Variants in ITPR3 observed in about 807,000 individuals in gnomAD.
The protein encoded by ITPR3 is inositol 1,4,5-trisphosphate receptor type 3, also known as inositol 1,4,5-trisphosphate-gated calcium channel ITPR3.
A neutral mutation model predicts 293.2 loss-of-function variants in ITPR3; 173 were observed. That is an observed-to-expected ratio of 0.59 (90% CI 0.52 to 0.67). The LOEUF (loss-of-function observed/expected upper bound fraction) is 0.67. Among genes scored for constraint, ITPR3 ranks in the 30% least tolerant of loss-of-function variants. The probability of loss-of-function intolerance (pLI) is 0.00; values close to 1 mark genes in which losing one functional copy is unlikely to be tolerated. For synonymous variants in ITPR3, 1,295 were observed against 1,444.4 expected, an observed-to-expected ratio of 0.90 and a Z score of 2.35; for missense variants, 2,796 against 3,592.1, an observed-to-expected ratio of 0.78 and a Z score of 5.66.
rs2127330406 is a variant in ITPR3, at chr6:33,696,451, T to TG, written c.*672dup. On this transcript the variant is annotated 3_prime_UTR_variant, in exon 58 of 58. Transcript: ENST00000605930. ...CAGGCAACAAGGGCTGAGCTGCGCT[T>TG]GCGTGGCTGTTTCATGACCGCTTGT... 1 of 152,876 alleles carries TG rather than the reference T, an allele frequency of 6.5e-6. No homozygotes were observed. Among genetic ancestry groups the TG allele is most frequent in the African/African-American group, 2.4e-5 (1 of 41,598 alleles). The allele number at this position is 152,876 out of a possible 1,614,324, so 9.5% of individuals were successfully genotyped here.
At chr6:33,629,579 C>G (rs536816937) in intron 1 of ITPR3, among the ~76,000 whole-genome samples, 1 of 151,704 alleles carries the variant, frequency 6.6e-6, no homozygotes, top group Non-Finnish European at 1.5e-5. Context: ...CTCCCGGGTT[C>G]GAGTGATTCT....
At position 33,670,770 on chromosome 6, in the gene ITPR3, G is replaced by T. The variant is rs1419329021; in HGVS notation, c.2541G>T (p.Glu847Asp). The T allele has an allele frequency of 1.9e-6, 3 of 1,614,020 alleles. No individual in the cohort carries two copies. Among genetic ancestry groups the T allele is most frequent in the Non-Finnish European group, 2.5e-6 (3 of 1,180,046 alleles). ...VEDYLNNVVS[E>D]AVPFANEEKN... ...ACTACCTCAACAATGTAGTCAGCGAGGCCGTGCCCTTTGCCAACGAGGAGA... is the reference window on the plus strand; with the variant it reads ...ACTACCTCAACAATGTAGTCAGCGATGCCGTGCCCTTTGCCAACGAGGAGA... Residue 847 changes from glutamate to aspartate, a missense_variant, in exon 20 of 58, where the codon GAG (glutamate) becomes GAT (aspartate). Transcript: ENST00000605930. The surrounding 1 kb of genome is among the most constrained non-coding windows in gnomAD (Gnocchi z 6.7).
At position 33,691,358 on chromosome 6, in the gene ITPR3, A is replaced by G. The variant is rs751753196; in HGVS notation, c.7225+249A>G. ...TTGCTTGAGGGCTGGAGTCCCTTGA[A>G]CTGTCATTCATGTTAAACCCAGTAT... On this transcript the variant is annotated intron_variant, in intron 52 of 57. Coordinates refer to ENST00000605930, the MANE Select transcript of ITPR3 (RefSeq NM_002224.4). The surrounding 1 kb of genome is among the most constrained non-coding windows in gnomAD (Gnocchi z 4.9). 2.6e-5 allele frequency among the ~76,000 whole-genome samples: 4 copies of G among 152,048 alleles called. No homozygotes were observed. The highest frequency in any genetic ancestry group is 5.9e-5 in the Non-Finnish European group (4 of 67,992).
chr6:33,647,503 A>T (rs1303893334), intron 2 of ITPR3, among the ~76,000 whole-genome samples: 3 of 152,154 alleles, frequency 2.0e-5, no homozygotes, highest in African/African-American at 7.2e-5. Context: ...TACCCATTAA[A>T]CAATAACTCC....
At position 33,675,546 on chromosome 6, in the gene ITPR3, G is replaced by A. The variant is rs975598085; in HGVS notation, c.3117-145G>A. 15 of 811,618 alleles carry A rather than the reference G, an allele frequency of 1.8e-5. No individual in the cohort carries two copies. The African/African-American group carries it at 2.7e-4, about 14-fold the overall frequency. 50.3% of individuals were successfully genotyped at this position (811,618 alleles called of 1,614,324 possible). ...GTGGCTGTTAAACTGCTGAGAAAGT[G>A]TCAATATTTTAAACACATTTAGACT... On this transcript the variant is annotated intron_variant, in intron 24 of 57. Transcript: ENST00000605930. The surrounding 1 kb of genome is among the most constrained non-coding windows in gnomAD (Gnocchi z 5.0).
chr6:33,648,070 T>TC (rs1764108992), intron 2 of ITPR3, among the ~76,000 whole-genome samples: 2 of 137,780 alleles, frequency 1.5e-5, no homozygotes, highest in South Asian at 5.2e-4. Flanking sequence ...CTTTTTCTTT[T>TC]TTTTTTTTTT....
chr6:33,630,596 G>A (rs191071482), intron 1 of ITPR3, among the ~76,000 whole-genome samples: 3 of 152,274 alleles, frequency 2.0e-5, no homozygotes, highest in Admixed American at 6.5e-5. Flanking sequence ...CAGCACCGCT[G>A]TAGAGACCCC....
Position 33,658,628 on chromosome 6 carries a change from C to T in ITPR3, c.370-42C>T, listed in dbSNP as rs765148910. ...ATATCCCCTCCCTAATGGGCCGACT[C>T]CTGTGGCGCGGTGACCTTCCCGCAC... On this transcript the variant is annotated intron_variant, in intron 4 of 57. Coordinates refer to ENST00000605930, the MANE Select transcript of ITPR3 (RefSeq NM_002224.4). The surrounding 1 kb of genome is among the most constrained non-coding windows in gnomAD (Gnocchi z 6.1). The T allele has an allele frequency of 1.1e-5, 17 of 1,607,888 alleles. No homozygotes were observed. The highest frequency in any genetic ancestry group is 1.4e-5 in the Non-Finnish European group (17 of 1,175,866).
Position 33,678,739 on chromosome 6 carries a change from C to T in ITPR3, c.3872C>T (p.Ala1291Val). ...TTGCAGCACTTCGTGCACCTGCTGG[C>T]CACGCACGGGCGCCATGTGCAGTAC... is the stretch of plus-strand genomic sequence containing the variant. ...PVLQHFVHLL[A>V]THGRHVQYLD... The change falls in exon 30 of 58, where the codon GCC (alanine) becomes GTC (valine). Residue 1291 changes from alanine to valine, a missense_variant. Coordinates refer to ENST00000605930, the MANE Select transcript of ITPR3 (RefSeq NM_002224.4). 6.2e-7 allele frequency: 1 copy of T among 1,613,472 alleles called. No individual in the cohort carries two copies. Among genetic ancestry groups the T allele is most frequent in the African/African-American group, 1.3e-5 (1 of 75,066 alleles).
chr6:33,695,235 G>A, intron 57 of ITPR3, 150 bp downstream of exon 57: 1 of 821,446 alleles, frequency 1.2e-6, no homozygotes, highest in Non-Finnish European at 1.9e-6. Context: ...ACTCTCCCCT[G>A]CATGGCAAGT....
Position 33,667,532 on chromosome 6 carries a change from C to G in ITPR3, c.1713+242C>G, listed in dbSNP as rs34517899. ...CTCTTTCATTCTGCACTGGGCCCTA[C>G]AAGTTATGTAGCCAATCCTTCCACA... On this transcript the variant is annotated intron_variant, in intron 15 of 57. Coordinates refer to ENST00000605930, the MANE Select transcript of ITPR3 (RefSeq NM_002224.4). The surrounding 1 kb of genome is among the most constrained non-coding windows in gnomAD (Gnocchi z 4.4). 0.12 allele frequency among the ~76,000 whole-genome samples: 18,509 copies of G among 152,270 alleles called. 1,578 individuals carry two copies. Among genetic ancestry groups the G allele is most frequent in the Middle Eastern group, 0.21 (62 of 294 alleles).
chr6:33,661,632 A>G (rs1764469782), intron 7 of ITPR3, among the ~76,000 whole-genome samples: 1 of 152,138 alleles, frequency 6.6e-6, no homozygotes, highest in Non-Finnish European at 1.5e-5. Context: ...TTGTATTCCC[A>G]TTTTACAGAA....
intron 12 of ITPR3, 37 bp downstream of exon 12, chr6:33,665,006 G>A (rs772304228): frequency 6.2e-7 from 1 of 1,613,632 alleles, no homozygotes; most frequent in South Asian, 1.1e-5. Context: ...GCTGGGGCCA[G>A]GGCCGGAGCT....
intron 2 of ITPR3, among the ~76,000 whole-genome samples, chr6:33,645,594 G>A (rs1384604327): frequency 6.6e-6 from 1 of 152,140 alleles, no homozygotes; most frequent in Non-Finnish European, 1.5e-5. Flanking sequence ...CTGAGTGGGG[G>A]GATTACTAGG....
At chr6:33,631,244 TAAAG>T (rs1215551114) in intron 1 of ITPR3, among the ~76,000 whole-genome samples, 1 of 152,088 alleles carries the variant, frequency 6.6e-6, no homozygotes. Context: ...GACAAAGAGA[TAAAG>T]AAAAAACACC....
intron 3 of ITPR3, among the ~76,000 whole-genome samples, chr6:33,657,012 G>A (rs934039387): frequency 2.0e-5 from 3 of 152,208 alleles, no homozygotes; most frequent in Admixed American, 2.0e-4. Flanking sequence ...CTGAGCTGGG[G>A]ATCTGGCCTG....
rs1462894890 is a variant in ITPR3 at position 33,664,801 on chromosome 6, A to G, written c.1149-69A>G. On this transcript the variant is annotated intron_variant, in intron 11 of 57. Coordinates refer to ENST00000605930, the MANE Select transcript of ITPR3 (RefSeq NM_002224.4). This position sits in a 1 kb window ranked among gnomAD's most constrained non-coding sequence, Gnocchi z 4.4. ...GCAGCTGTGGCAGTGTTGGGGAGGT[A>G]GGCCGGCAGGCAGCATGACGTGCTC... 4.4e-6 allele frequency: 6 copies of G among 1,367,060 alleles called. No homozygotes were observed. Among genetic ancestry groups the G allele is most frequent in the South Asian group, 1.2e-5 (1 of 82,770 alleles). 84.7% of individuals were successfully genotyped at this position (1,367,060 alleles called of 1,614,324 possible). A position where few individuals can be genotyped will look rare whatever the true frequency, so the allele number is the denominator to read the frequency against.
intron 1 of ITPR3, among the ~76,000 whole-genome samples, chr6:33,639,846 A>G (rs963998948): frequency 6.6e-6 from 1 of 152,154 alleles, no homozygotes; most frequent in Non-Finnish European, 1.5e-5. Flanking sequence ...GATTAATGCC[A>G]GCATGGCTAT....
Position 33,664,856 on chromosome 6 carries a change from C to T in ITPR3, c.1149-14C>T, listed in dbSNP as rs373849845. The T allele has an allele frequency of 5.0e-6, 8 of 1,612,126 alleles. No homozygotes were observed. In the African/African-American group the frequency reaches 9.3e-5, roughly 19 times the overall value. On this transcript the variant is annotated splice_polypyrimidine_tract_variant and intron_variant, in intron 11 of 57. Coordinates refer to ENST00000605930, the MANE Select transcript of ITPR3 (RefSeq NM_002224.4). The surrounding 1 kb of genome is among the most constrained non-coding windows in gnomAD (Gnocchi z 4.4). ...GTGCACTCCCCGAGTCCTTTCCCTCCCACCCACCTGCAGGAACTCGTACGT... is the reference window on the plus strand; with the variant it reads ...GTGCACTCCCCGAGTCCTTTCCCTCTCACCCACCTGCAGGAACTCGTACGT...
Sources: allele counts gnomAD v4.1 joint callset (sites outside exome capture counted in the v4.1 genomes callset), GRCh38; gene constraint gnomAD v4.1.1; non-coding constraint Gnocchi (gnomAD v3.1); transcripts MANE v1.5; gene names NCBI Gene and HGNC (gene_info 2026-07-23, HGNC 2026-07-21).